CTTNBP2: variants seen among roughly 807,000 people sequenced by gnomAD.
CTTNBP2 encodes cortactin-binding protein 2.
A neutral mutation model predicts 156.9 loss-of-function variants in CTTNBP2; 108 were observed. That is an observed-to-expected ratio of 0.69 (90% CI 0.59 to 0.81). The LOEUF is 0.81. Ranked by LOEUF, CTTNBP2 falls within the 30% of genes least tolerant of loss-of-function variation. The pLI, the probability that CTTNBP2 is intolerant of heterozygous loss-of-function variation, is 0.00. For synonymous variants in CTTNBP2, 767 were observed against 751.8 expected (o/e 1.02, Z -0.33); for missense variants, 1,924 against 2,035.4 (o/e 0.95, Z 1.05).
chr7:117,822,609 T>C (rs994657151), intron 2 of CTTNBP2, among the ~76,000 whole-genome samples: 9 of 152,352 alleles, frequency 5.9e-5, no homozygotes, highest in Admixed American at 5.9e-4. Context: ...AAATCCCTTT[T>C]GGTTTTGTCT....
chr7:117,711,908 C>T (rs1404149643), intron 22 of CTTNBP2, 126 bp from the exon 23 acceptor site: 4 of 930,322 alleles, frequency 4.3e-6, no homozygotes, highest in Non-Finnish European at 6.3e-6. Context: ...CGTGAAAAAT[C>T]AAAAGAAAAT....
chr7:117,784,304 G>A lies in CTTNBP2; in HGVS notation c.2219C>T (p.Ser740Phe). ...CAAGGCAGAATGGCCATCTTCACAG[G>A]AGTAATTAATGTCCAGTCCTTCTTC... is the stretch of plus-strand genomic sequence containing the variant. ...LNEEGLDINY[S>F]CEDGHSALYS... Residue 740 changes from serine (S) to phenylalanine (F), a missense_variant, in exon 5 of 23, where the codon TCC becomes TTC. Physicochemically the swap from Ser to Phe is radical, Grantham distance 155 (BLOSUM62 -2). Coordinates refer to ENST00000160373, the MANE Select transcript of CTTNBP2 (RefSeq NM_033427.3). 6 of 1,613,848 alleles carry A rather than the reference G, an allele frequency of 3.7e-6. No homozygotes were observed. Among genetic ancestry groups the A allele is most frequent in the Non-Finnish European group, 4.2e-6 (5 of 1,179,912 alleles).
chr7:117,741,924 G>A (rs531080279), intron 14 of CTTNBP2, among the ~76,000 whole-genome samples: 1 of 152,048 alleles, frequency 6.6e-6, no homozygotes, highest in South Asian at 2.1e-4. Flanking sequence ...AATAATTATT[G>A]ACAATTTATA....
At position 117,710,945 on chromosome 7, in the gene CTTNBP2, G is replaced by A. The variant is rs1208030389; in HGVS notation, c.*592C>T. ...AAATATATACATGATGCTACCAAAT[G>A]GCAATGTAACCACTAAGAGATTTAA... is the stretch of plus-strand genomic sequence containing the variant. On this transcript the variant is annotated 3_prime_UTR_variant, in exon 23 of 23. Coordinates refer to ENST00000160373, the MANE Select transcript of CTTNBP2 (RefSeq NM_033427.3). 1.3e-5 allele frequency: 2 copies of A among 152,476 alleles called. No individual in the cohort carries two copies. Among genetic ancestry groups the A allele is most frequent in the Non-Finnish European group, 2.9e-5 (2 of 67,998 alleles). 9.4% of individuals were successfully genotyped at this position (152,476 alleles called of 1,614,324 possible).
At chr7:117,844,368 G>GT (rs1349006398) in intron 2 of CTTNBP2, among the ~76,000 whole-genome samples, 1 of 152,204 alleles carries the variant, frequency 6.6e-6, no homozygotes, top group African/African-American at 2.4e-5. Flanking sequence ...TGGAGATGGG[G>GT]TGAAGCAGGA....
intron 3 of CTTNBP2, among the ~76,000 whole-genome samples, chr7:117,795,463 T>G (rs1799265973): frequency 1.3e-5 from 2 of 152,164 alleles, no homozygotes; most frequent in Non-Finnish European, 2.9e-5. Flanking sequence ...CCTCTGAAGG[T>G]AGAGAATTTT....
chr7:117,777,778 T>A lies in CTTNBP2; in HGVS notation c.2524-13A>T. 6.2e-7 allele frequency: 1 copy of A among 1,600,410 alleles called. No homozygotes were observed. The highest frequency in any genetic ancestry group is 8.5e-7 in the Non-Finnish European group (1 of 1,170,362). ...GTGTCCAGCCATCCTGAAAATAAAA[T>A]GACCAGGGGGAAAGGGTTGATAACA... On this transcript the variant is annotated splice_polypyrimidine_tract_variant and intron_variant, in intron 7 of 22. Transcript: ENST00000160373.
intron 19 of CTTNBP2, among the ~76,000 whole-genome samples, chr7:117,721,498 C>G (rs1394505556): frequency 6.6e-6 from 1 of 152,228 alleles, no homozygotes; most frequent in Non-Finnish European, 1.5e-5. Flanking sequence ...GATTTTAATA[C>G]CTGCCTTTTG....
intron 3 of CTTNBP2, among the ~76,000 whole-genome samples, chr7:117,809,060 G>A (rs1473507140): frequency 6.6e-6 from 1 of 152,058 alleles, no homozygotes; most frequent in Non-Finnish European, 1.5e-5. Context: ...ATTATACATG[G>A]GAGACACACC....
intron 2 of CTTNBP2, among the ~76,000 whole-genome samples, chr7:117,832,921 T>A (rs1030304435): frequency 6.5e-5 from 1 of 15,286 alleles, no homozygotes; most frequent in South Asian, 9.0e-4. Context: ...TTTTTTTTCT[T>A]TTTTTTTGTA....
chr7:117,723,170 C>A (rs1214181024), intron 19 of CTTNBP2, among the ~76,000 whole-genome samples: 1 of 151,974 alleles, frequency 6.6e-6, no homozygotes, highest in Non-Finnish European at 1.5e-5. Flanking sequence ...AAATACTGAT[C>A]TTTTTAAAAG....
At chr7:117,831,224 A>T (rs1801593657) in intron 2 of CTTNBP2, among the ~76,000 whole-genome samples, 1 of 152,192 alleles carries the variant, frequency 6.6e-6, no homozygotes, top group Non-Finnish European at 1.5e-5. Flanking sequence ...CCTTGGCTCC[A>T]ACAGCCTTCA....
intron 2 of CTTNBP2, among the ~76,000 whole-genome samples, chr7:117,824,661 T>C (rs34768465): frequency 0.03 from 4,614 of 152,296 alleles, 261 homozygotes; most frequent in African/African-American, 0.11. Flanking sequence ...GGCTAGAAAT[T>C]TGGAGCCTGG....
chr7:117,786,894 T>A (rs914140640), intron 4 of CTTNBP2, among the ~76,000 whole-genome samples: 1 of 152,202 alleles, frequency 6.6e-6, no homozygotes, highest in Admixed American at 6.5e-5. Context: ...GTTTTCAATC[T>A]TTAGACCACT....
At chr7:117,761,785 T>C (rs1445932881) in intron 9 of CTTNBP2, among the ~76,000 whole-genome samples, 1 of 152,212 alleles carries the variant, frequency 6.6e-6, no homozygotes, top group Admixed American at 6.5e-5. Context: ...TGTGAAATTT[T>C]AATCAGTAGA....
chr7:117,843,364 T>C (rs752013985), intron 2 of CTTNBP2, among the ~76,000 whole-genome samples: 1 of 152,112 alleles, frequency 6.6e-6, no homozygotes, highest in African/African-American at 2.4e-5. Context: ...AGGATGGAGA[T>C]TGCATGTAGT....
Position 117,777,687 on chromosome 7 carries a change from G to A in CTTNBP2, c.2602C>T (p.Pro868Ser), listed in dbSNP as rs1381572118. The change falls in exon 8 of 23, where the codon CCA becomes TCA. Residue 868 changes from proline to serine, a missense_variant. Transcript: ENST00000160373. Reference sequence around the variant, plus strand: ...TCATTGAAAGAATTTCCATGAGCTGGTATTCTATGGTACATAAGAAGCTTG... The same window carrying A: ...TCATTGAAAGAATTTCCATGAGCTGATATTCTATGGTACATAAGAAGCTTG... Reference protein sequence around the residue: ...SLKLLMYHRIPAHGNSFNEEE... With the variant: ...SLKLLMYHRISAHGNSFNEEE... The A allele has an allele frequency of 6.2e-7, 1 of 1,613,906 alleles. No homozygotes were observed. The highest frequency in any genetic ancestry group is 2.2e-5 in the East Asian group (1 of 44,896).
chr7:117,861,123 A>G, intron 2 of CTTNBP2, 86 bp downstream of exon 2: 1 of 776,016 alleles, frequency 1.3e-6, no homozygotes, highest in Non-Finnish European at 2.1e-6. Context: ...ATTTGATTCA[A>G]AAATTAAGAA....
chr7:117,810,733 T>TG lies in CTTNBP2; in HGVS notation c.414+31dup, dbSNP rs779577853. 15 of 1,553,000 alleles carry TG rather than the reference T, an allele frequency of 9.7e-6. No individual in the cohort carries two copies. In the African/African-American group the frequency reaches 1.9e-4, roughly 20 times the overall value. ...GATCTCCTCATTGGACACCATGTTGTGGGGAAAATGACCATTTGAACGCCT... is the reference window on the plus strand; with the variant it reads ...GATCTCCTCATTGGACACCATGTTGTGGGGGAAAATGACCATTTGAACGCCT... On this transcript the variant is annotated intron_variant, in intron 3 of 22. Coordinates refer to ENST00000160373, the MANE Select transcript of CTTNBP2 (RefSeq NM_033427.3).
Sources: gnomAD v4.1 joint callset for allele counts (sites outside exome capture counted in the v4.1 genomes callset) on GRCh38, gnomAD v4.1.1 for gene constraint, MANE v1.5 for transcripts, NCBI Gene and HGNC (gene_info 2026-07-23, HGNC 2026-07-21) for gene names.